The following ATP9B variants were observed in gnomAD, a reference collection of about 807,000 sequenced individuals.
ATP9B encodes the protein ATPase phospholipid transporting 9B, also known as probable phospholipid-transporting ATPase IIB.
A neutral mutation model predicts 146.1 loss-of-function variants in ATP9B; 110 were observed. That is an observed-to-expected ratio of 0.75 (90% confidence interval 0.65 to 0.88). ATP9B has a LOEUF of 0.88. Among genes scored for constraint, ATP9B ranks in the 40% least tolerant of loss-of-function variants. ATP9B has a pLI of 0.00. For missense variants in ATP9B, 1,499 were observed against 1,496.4 expected (o/e 1.00, Z -0.03); for synonymous variants, 604 against 569.7 (o/e 1.06, Z -0.86).
At chr18:79,071,884 G>GT (rs375351848) in intron 1 of ATP9B, among the ~76,000 whole-genome samples, 24 of 79,868 alleles carry the variant, frequency 3.0e-4, no homozygotes, top group African/African-American at 8.8e-4. Context: ...TTCATGTTTG[G>GT]TTTTGTTTTT....
chr18:79,075,403 G>A (rs912543400), intron 1 of ATP9B, among the ~76,000 whole-genome samples: 2 of 152,218 alleles, frequency 1.3e-5, no homozygotes, highest in South Asian at 2.1e-4. Flanking sequence ...GCCTTCCAAA[G>A]TGCTGGGATT....
chr18:79,309,793 T>C (rs986689431), intron 15 of ATP9B, among the ~76,000 whole-genome samples: 1 of 152,198 alleles, frequency 6.6e-6, no homozygotes, highest in African/African-American at 2.4e-5. Flanking sequence ...ATTAATTCAA[T>C]TGTACATTGT....
chr18:79,205,346 C>T (rs7226843), intron 9 of ATP9B, among the ~76,000 whole-genome samples: 62 of 151,066 alleles, frequency 4.1e-4, no homozygotes, highest in African/African-American at 6.6e-4. Flanking sequence ...ATGAGCAAAA[C>T]GGCCAAAATT....
At chr18:79,241,484 G>A (rs567918387) in intron 11 of ATP9B, among the ~76,000 whole-genome samples, 26 of 152,254 alleles carry the variant, frequency 1.7e-4, no homozygotes, top group African/African-American at 5.8e-4. Flanking sequence ...TCTGGCCTCC[G>A]TCGTCAGCCA....
intron 13 of ATP9B, among the ~76,000 whole-genome samples, chr18:79,294,800 G>A (rs1449585734): frequency 6.6e-6 from 1 of 152,174 alleles, no homozygotes; most frequent in East Asian, 1.9e-4. Context: ...GCTCAGATTA[G>A]TTTCAGCAGC....
At chr18:79,184,386 G>A (rs1435739341) in intron 8 of ATP9B, among the ~76,000 whole-genome samples, 2 of 152,000 alleles carry the variant, frequency 1.3e-5, no homozygotes, top group African/African-American at 4.8e-5. Context: ...TTAATTTCAT[G>A]TTATGAGCTG....
In ATP9B at chr18:79,301,867, A is replaced by G. The variant is rs77799629; in HGVS notation, c.1412-1737A>G. Among the ~76,000 whole-genome samples the G allele has an allele frequency of 9.5e-3, 1,445 of 152,300 alleles. 59 individuals are homozygous for G. The East Asian group carries it at 0.11, about 12-fold the overall frequency. Reference sequence around the variant, plus strand: ...TCTTCTAAGAGCATTTATCAAAACAATCTCTAAAATAGTAATTGTAAGCTC... The same window carrying G: ...TCTTCTAAGAGCATTTATCAAAACAGTCTCTAAAATAGTAATTGTAAGCTC... On this transcript the variant is annotated intron_variant, in intron 13 of 29. Coordinates refer to ENST00000426216, the MANE Select transcript of ATP9B (RefSeq NM_198531.5).
At chr18:79,225,606 C>T (rs1026384536) in intron 11 of ATP9B, among the ~76,000 whole-genome samples, 8 of 151,702 alleles carry the variant, frequency 5.3e-5, no homozygotes, top group African/African-American at 9.7e-5. Flanking sequence ...AGTCGCAGGG[C>T]GGCCACTGTC....
intron 19 of ATP9B, among the ~76,000 whole-genome samples, chr18:79,341,008 C>T (rs2096855219): frequency 6.6e-6 from 1 of 152,222 alleles, no homozygotes; most frequent in African/African-American, 2.4e-5. Flanking sequence ...TTAGACTTAG[C>T]CTCTGAGTGC....
intron 11 of ATP9B, among the ~76,000 whole-genome samples, chr18:79,234,618 C>CCTGCTTGCTGTGGGT: frequency 6.7e-6 from 1 of 148,866 alleles, no homozygotes; most frequent in Non-Finnish European, 1.5e-5. Context: ...TTGCTGTGGG[C>CCTGCTTGCTGTGGGT]CTGCTTGCTG....
chr18:79,334,843 C>T (rs1390945686), intron 17 of ATP9B, among the ~76,000 whole-genome samples: 3 of 150,268 alleles, frequency 2.0e-5, no homozygotes, highest in East Asian at 4.0e-4. Context: ...TCTGCCCAGT[C>T]GCCCACACCG....
At chr18:79,155,753 C>CTTTTTTTTTTTT (rs56002235) in intron 7 of ATP9B, among the ~76,000 whole-genome samples, 1 of 74,048 alleles carries the variant, frequency 1.4e-5, no homozygotes, top group Non-Finnish European at 2.3e-5. Flanking sequence ...TGTTTTCTCT[C>CTTTTTTTTTTTT]TTTTTTTTTT....
At chr18:79,360,150 C>T (rs1203317313) in intron 26 of ATP9B, 9 of 152,620 alleles carry the variant, frequency 5.9e-5, no homozygotes, top group African/African-American at 1.2e-4. Context: ...TAGCATAGAA[C>T]GTGTAAGGAT....
Position 79,069,495 on chromosome 18 carries a change from G to T in ATP9B, c.85G>T (p.Ala29Ser). Residue 29 changes from alanine (A) to serine (S), a missense_variant, in exon 1 of 30, where the codon GCG becomes TCG. Coordinates refer to ENST00000426216, the MANE Select transcript of ATP9B (RefSeq NM_198531.5). ...CAAACGCGCGGCCTACTACAGCGCC[G>T]CGGGGCCCAGGCCGGGAGCCGACCG... ...NRKRAAYYSAAGPRPGADRHS... is the reference protein window; with the variant it reads ...NRKRAAYYSASGPRPGADRHS... The T allele has an allele frequency of 1.4e-6, 2 of 1,466,882 alleles. No individual in the cohort carries two copies. The highest frequency in any genetic ancestry group is 2.6e-5 in the Admixed American group (1 of 39,176). 90.9% of individuals were successfully genotyped at this position (1,466,882 alleles called of 1,614,324 possible).
chr18:79,189,092 T>C (rs1742565871), intron 8 of ATP9B, among the ~76,000 whole-genome samples: 1 of 152,160 alleles, frequency 6.6e-6, no homozygotes, highest in South Asian at 2.1e-4. Flanking sequence ...ATCACGCCTG[T>C]AATCCCAGCA....
intron 7 of ATP9B, among the ~76,000 whole-genome samples, chr18:79,170,169 T>A (rs751860231): frequency 6.6e-6 from 1 of 152,198 alleles, no homozygotes; most frequent in Non-Finnish European, 1.5e-5. Flanking sequence ...GGCCGGTAAC[T>A]TTCATTCACC....
At chr18:79,287,269 G>A (rs1461889808) in intron 13 of ATP9B, among the ~76,000 whole-genome samples, 6 of 152,170 alleles carry the variant, frequency 3.9e-5, no homozygotes, top group East Asian at 1.9e-4. Context: ...TGGTTGGTAA[G>A]CTATTGATTA....
chr18:79,297,363 CACAGACGACCCAGAGAGAAG>C (rs1489647868), intron 13 of ATP9B, among the ~76,000 whole-genome samples: 3 of 148,092 alleles, frequency 2.0e-5, no homozygotes, highest in African/African-American at 7.6e-5. Flanking sequence ...AGAGAGGAGA[CACAGACGACCCAGAGAGAAG>C]ACAGATGACC....
intron 8 of ATP9B, among the ~76,000 whole-genome samples, chr18:79,192,513 T>G (rs920548840): frequency 3.9e-5 from 6 of 152,214 alleles, no homozygotes; most frequent in Non-Finnish European, 8.8e-5. Context: ...GGCTCAGCCT[T>G]GCCTCTGGAG....
Sources: allele counts gnomAD v4.1 joint callset (sites outside exome capture counted in the v4.1 genomes callset), GRCh38; gene constraint gnomAD v4.1.1; transcripts MANE v1.5; gene names NCBI Gene and HGNC (gene_info 2026-07-23, HGNC 2026-07-21).